The following SV2C variants were observed in gnomAD, a reference collection of about 807,000 sequenced individuals.
SV2C encodes solute carrier family 22 member B3.
In SV2C, 49 loss-of-function variants were observed where a neutral mutation model predicts 79.7. The observed-to-expected ratio is 0.61, with a 90% CI of 0.49 to 0.78. SV2C has a LOEUF of 0.78. Among genes scored for constraint, SV2C ranks in the 30% least tolerant of loss-of-function variants. The probability of loss-of-function intolerance (pLI) is 0.00; values close to 1 mark genes in which losing one functional copy is unlikely to be tolerated. For missense variants in SV2C, 833 were observed against 912.9 expected, an observed-to-expected ratio of 0.91 and a Z score of 1.13; for synonymous variants, 334 against 333.2, an observed-to-expected ratio of 1.00 and a Z score of -0.03.
the SV2C span, among the ~76,000 whole-genome samples, chr5:75,988,094 T>C: frequency 1.3e-5 from 2 of 152,044 alleles, no homozygotes; most frequent in South Asian, 2.1e-4. Flanking sequence ...TCCCAGACTT[T>C]CACTGTGAGT....
At chr5:75,958,969 G>A in the SV2C span, among the ~76,000 whole-genome samples, 1 of 151,980 alleles carries the variant, frequency 6.6e-6, no homozygotes, top group Non-Finnish European at 1.5e-5. Flanking sequence ...GCAAATGTGA[G>A]TGATTTATAC....
At chr5:75,994,911 A>G in the SV2C span, among the ~76,000 whole-genome samples, 24 of 152,282 alleles carry the variant, frequency 1.6e-4, 2 homozygotes, top group South Asian at 4.8e-3. Flanking sequence ...TCCAAGGCCA[A>G]CGGCCTGAGA....
At chr5:76,078,594 G>A (rs570147500), upstream of SV2C, 29 of 350,434 alleles carry the variant, frequency 8.3e-5, no homozygotes, top group Non-Finnish European at 1.0e-4. Context: ...AGCCTGACAC[G>A]GGCATGCCCC....
At chr5:76,162,335 G>A (rs555291900) in intron 2 of SV2C, among the ~76,000 whole-genome samples, 18 of 152,224 alleles carry the variant, frequency 1.2e-4, no homozygotes, top group South Asian at 2.1e-4. Context: ...TTTATGTTGC[G>A]ATGTTACAAA....
chr5:76,143,624 C>T (rs1749331243), intron 2 of SV2C, among the ~76,000 whole-genome samples: 1 of 152,196 alleles, frequency 6.6e-6, no homozygotes, highest in African/African-American at 2.4e-5. Context: ...ATCCAGGACT[C>T]AGGCTCTGGT....
the SV2C span, among the ~76,000 whole-genome samples, chr5:75,852,846 AAAAAG>A: frequency 0.046 from 6,719 of 144,772 alleles, 397 homozygotes; most frequent in African/African-American, 0.13. Context: ...AAAAAAAAGA[AAAAAG>A]AAAAAAAACT....
rs141606414 is a variant in SV2C, at chr5:76,278,084, G to A, written c.914-7078G>A. Among the ~76,000 whole-genome samples the A allele has an allele frequency of 1.2e-3, 184 of 152,336 alleles. 7 individuals are homozygous for A. The South Asian group carries it at 0.038, about 31-fold the overall frequency. On this transcript the variant is annotated intron_variant, in intron 4 of 12. Transcript: ENST00000502798. ...AATCAAGGTTATTTTGCTGTTTAGTGTAGATTCAGAAAGAAAATAATCAAA... is the reference window on the plus strand; with the variant it reads ...AATCAAGGTTATTTTGCTGTTTAGTATAGATTCAGAAAGAAAATAATCAAA...
chr5:76,297,474 T>C (rs1020861108), intron 9 of SV2C, among the ~76,000 whole-genome samples: 11 of 152,164 alleles, frequency 7.2e-5, no homozygotes, highest in South Asian at 4.1e-4. Flanking sequence ...TTGTGCACCA[T>C]GTGTACTCTC....
chr5:76,168,578 C>T (rs1343693300), intron 2 of SV2C, among the ~76,000 whole-genome samples: 2 of 152,178 alleles, frequency 1.3e-5, no homozygotes, highest in South Asian at 2.1e-4. Flanking sequence ...TGGTCGGCTC[C>T]GGGCCGCGCT....
At chr5:76,084,500 C>T (rs1003011955) in intron 1 of SV2C, among the ~76,000 whole-genome samples, 1 of 149,936 alleles carries the variant, frequency 6.7e-6, no homozygotes, top group African/African-American at 2.5e-5. Context: ...TGGCTTGGGG[C>T]AGCCAGCACC....
intron 4 of SV2C, among the ~76,000 whole-genome samples, chr5:76,231,197 A>G (rs1214641819): frequency 6.6e-6 from 1 of 152,204 alleles, no homozygotes; most frequent in Non-Finnish European, 1.5e-5. Context: ...ATTCTGTGCA[A>G]TAGATCACTA....
chr5:76,127,022 A>G (rs2112175251), intron 1 of SV2C, among the ~76,000 whole-genome samples: 1 of 152,348 alleles, frequency 6.6e-6, no homozygotes, highest in Admixed American at 6.5e-5. Flanking sequence ...TATTGCTATC[A>G]TTACTCTATC....
chr5:75,874,832 T>C, the SV2C span, among the ~76,000 whole-genome samples: 1 of 151,910 alleles, frequency 6.6e-6, no homozygotes, highest in Non-Finnish European at 1.5e-5. Flanking sequence ...ATAAAACACC[T>C]AGGAATACAG....
chr5:75,991,699 G>GATATATAT, the SV2C span, among the ~76,000 whole-genome samples: 7 of 148,668 alleles, frequency 4.7e-5, no homozygotes, highest in East Asian at 9.9e-4. Flanking sequence ...AAAACCATCA[G>GATATATAT]ATAGATATAT....
rs76534669 is a variant in SV2C at position 76,178,289 on chromosome 5, T to A, written c.581-16630T>A. ...AGGCAACATAGACTTCACCTTTTCATGGGAAGAGCATTGCAGAATTTGCAG... is the reference window on the plus strand; with the variant it reads ...AGGCAACATAGACTTCACCTTTTCAAGGGAAGAGCATTGCAGAATTTGCAG... On this transcript the variant is annotated intron_variant, in intron 2 of 12. Transcript: ENST00000502798. Among the ~76,000 whole-genome samples the A allele has an allele frequency of 2.6e-3, 394 of 152,350 alleles. 14 individuals carry two copies. In the East Asian group the frequency reaches 0.06, roughly 23 times the overall value.
At chr5:76,217,174 G>C (rs1744928013) in intron 4 of SV2C, among the ~76,000 whole-genome samples, 1 of 152,132 alleles carries the variant, frequency 6.6e-6, no homozygotes, top group Non-Finnish European at 1.5e-5. Flanking sequence ...GGTCAAACTT[G>C]GGGCTCCCAT....
At chr5:75,986,942 G>A in the SV2C span, among the ~76,000 whole-genome samples, 1 of 151,852 alleles carries the variant, frequency 6.6e-6, no homozygotes, top group South Asian at 2.1e-4. Flanking sequence ...TTTCCTCTGG[G>A]GTATGGGTTA....
chr5:76,016,285 T>C, the SV2C span, among the ~76,000 whole-genome samples: 2 of 92,304 alleles, frequency 2.2e-5, no homozygotes, highest in Admixed American at 2.4e-4. Context: ...GTGCAATTCT[T>C]TCTATAGGCT....
the SV2C span, among the ~76,000 whole-genome samples, chr5:75,851,832 A>G: frequency 6.6e-6 from 1 of 151,964 alleles, no homozygotes; most frequent in Non-Finnish European, 1.5e-5. Flanking sequence ...TTTTATTTTT[A>G]TTTTGTATTT....
Sources: allele counts gnomAD v4.1 joint callset (sites outside exome capture counted in the v4.1 genomes callset), GRCh38; gene constraint gnomAD v4.1.1; transcripts MANE v1.5; gene names NCBI Gene and HGNC (gene_info 2026-07-23, HGNC 2026-07-21).